The following ASMTL variants were observed in gnomAD, a reference collection of about 807,000 sequenced individuals.
The protein encoded by ASMTL is probable bifunctional dTTP/UTP pyrophosphatase/methyltransferase protein.
In ASMTL, 57 loss-of-function variants were observed where a neutral mutation model predicts 60.3. That is an observed-to-expected ratio of 0.95 (90% CI 0.76 to 1.18). The LOEUF (loss-of-function observed/expected upper bound fraction) is 1.18, where lower values mean the gene tolerates loss of function less well. ASMTL is among the 50% of genes most tolerant of loss of function. The pLI, the probability that ASMTL is intolerant of heterozygous loss-of-function variation, is 0.00. For synonymous variants in ASMTL, 419 were observed against 373.0 expected (o/e 1.12, Z -1.42); for missense variants, 981 against 852.6 (o/e 1.15, Z -1.88).
intron 11 of ASMTL, chrX:1,413,244 C>A (rs4933099): frequency 1.1e-5 from 2 of 186,996 alleles, no homozygotes; most frequent in East Asian, 2.6e-4. Context: ...CGCCTGTCAT[C>A]CCAGCTACGC....
At chrX:1,407,447 G>C (rs1323813588) in intron 12 of ASMTL, among the ~76,000 whole-genome samples, 2 of 149,974 alleles carry the variant, frequency 1.3e-5, no homozygotes, top group African/African-American at 5.0e-5. Flanking sequence ...ATAGATGGTA[G>C]ATGATAGGTA....
chrX:1,431,378 C>T (rs1339995211), intron 6 of ASMTL, among the ~76,000 whole-genome samples: 1 of 131,284 alleles, frequency 7.6e-6, no homozygotes, highest in African/African-American at 2.8e-5. Context: ...TAATTATAAT[C>T]GATTATAACT....
In ASMTL at chrX:1,403,497, A is replaced by G; in HGVS notation, c.1646-8T>C. The G allele has an allele frequency of 6.2e-7, 1 of 1,612,154 alleles. No homozygotes were observed. Among genetic ancestry groups the G allele is most frequent in the Non-Finnish European group, 8.5e-7 (1 of 1,179,576 alleles). ...CCAGCAGCAGGCCGGCCCCTGAGGG[A>G]GACAGCAGAGAGCTGGAGTCCTGGC... On this transcript the variant is annotated splice_region_variant and splice_polypyrimidine_tract_variant and intron_variant, in intron 12 of 12. Coordinates refer to ENST00000381317, the MANE Select transcript of ASMTL (RefSeq NM_004192.4).
At chrX:1,432,732 G>C (rs2090833312) in intron 5 of ASMTL, among the ~76,000 whole-genome samples, 1 of 152,132 alleles carries the variant, frequency 6.6e-6, no homozygotes, top group Non-Finnish European at 1.5e-5. Flanking sequence ...GGGAGGCTGA[G>C]GCAGGAGAAT....
chrX:1,411,017 C>G (rs146092489), intron 12 of ASMTL, among the ~76,000 whole-genome samples: 6,723 of 151,092 alleles, frequency 0.044, 540 homozygotes, highest in African/African-American at 0.16. Context: ...GAAACCCTGT[C>G]TCTATTAAAA....
At chrX:1,418,929 C>G in intron 10 of ASMTL, 53 bp downstream of exon 10, 1 of 1,609,344 alleles carries the variant, frequency 6.2e-7, no homozygotes, top group Non-Finnish European at 8.5e-7. Context: ...AGGGAAGATA[C>G]CTGTGGCTTA....
At chrX:1,406,176 A>G (rs2089829419) in intron 12 of ASMTL, among the ~76,000 whole-genome samples, 1 of 142,670 alleles carries the variant, frequency 7.0e-6, no homozygotes, top group Non-Finnish European at 1.5e-5. Context: ...TAGATGGTAG[A>G]TGATGGGTAG....
chrX:1,421,578 G>A, intron 9 of ASMTL, 80 bp downstream of exon 9: 1 of 1,460,458 alleles, frequency 6.8e-7, no homozygotes, highest in Non-Finnish European at 9.5e-7. Flanking sequence ...ACTGGTCAAG[G>A]TGCCTACTGA....
chrX:1,445,172 C>A (rs1422914674), intron 1 of ASMTL, among the ~76,000 whole-genome samples: 1 of 152,146 alleles, frequency 6.6e-6, no homozygotes, highest in African/African-American at 2.4e-5. Context: ...GGAGGACCAG[C>A]GGCACTAAGC....
rs2011141799 is a variant in ASMTL at position 1,431,010 on chromosome X, A to G, written c.509+1259T>C. Among the ~76,000 whole-genome samples, 3 of 134,686 alleles carry G rather than the reference A, an allele frequency of 2.2e-5. No homozygotes were observed. In the East Asian group the frequency reaches 6.1e-4, roughly 27 times the overall value. The allele number at this position is 134,686 out of a possible 152,430, so 88.4% of individuals were successfully genotyped here. On this transcript the variant is annotated intron_variant, in intron 6 of 12. Coordinates refer to ENST00000381317, the MANE Select transcript of ASMTL (RefSeq NM_004192.4). ...ATCACACTTTATATTATTATGTAAT[A>G]TGTATTAATATGCAGTTACATATAT...
intron 9 of ASMTL, among the ~76,000 whole-genome samples, chrX:1,420,863 G>A (rs1309448691): frequency 6.6e-6 from 1 of 151,848 alleles, no homozygotes; most frequent in South Asian, 2.1e-4. Flanking sequence ...GCACCATCAC[G>A]GCTTACACTG....
At chrX:1,450,922 C>T (rs1408319597) in intron 1 of ASMTL, among the ~76,000 whole-genome samples, 1 of 146,152 alleles carries the variant, frequency 6.8e-6, no homozygotes. Flanking sequence ...TCTGCCCTCC[C>T]CATTCCTAGG....
At chrX:1,422,006 TTAAAA>T (rs2090497001) in intron 8 of ASMTL, 164 bp from the exon 9 acceptor site, 1 of 186,618 alleles carries the variant, frequency 5.4e-6, no homozygotes, top group Non-Finnish European at 1.0e-5. Context: ...CATTGAGATG[TTAAAA>T]TAAACATCAT....
chrX:1,449,881 CTA>C (rs1340385414), intron 1 of ASMTL, among the ~76,000 whole-genome samples: 1 of 139,408 alleles, frequency 7.2e-6, no homozygotes, highest in Non-Finnish European at 1.5e-5. Flanking sequence ...TCACCAATAA[CTA>C]TGCCCCATCA....
Position 1,442,587 on chromosome X carries a change from T to C in ASMTL, c.94-270A>G, listed in dbSNP as rs1410322123. 4.6e-5 allele frequency among the ~76,000 whole-genome samples: 7 copies of C among 151,852 alleles called. No individual in the cohort carries two copies. The South Asian group carries it at 6.3e-4, about 14-fold the overall frequency. On this transcript the variant is annotated intron_variant, in intron 1 of 12. Coordinates refer to ENST00000381317, the MANE Select transcript of ASMTL (RefSeq NM_004192.4). ...CCTTCTTGGCTCTCGAGGGAAGAGA[T>C]TGGCAAAGGAAGAAGCCAGGAACAA... is the stretch of plus-strand genomic sequence containing the variant.
chrX:1,419,102 G>T lies in ASMTL; in HGVS notation c.1258C>A (p.Gln420Lys). ...AEDLFQDAYY[Q>K]SPETRLRFMR... ...AACCTCAGCCGCGTCTCCGGGCTCTGGTAGTACGCATCCTGGAACACAGCA... is the reference window on the plus strand; with the variant it reads ...AACCTCAGCCGCGTCTCCGGGCTCTTGTAGTACGCATCCTGGAACACAGCA... The change falls in exon 10 of 13, where the codon CAG (glutamine) becomes AAG (lysine). Residue 420 changes from glutamine (Q) to lysine (K), a missense_variant. Gln to Lys is a moderately conservative substitution (Grantham distance 53, BLOSUM62 1). Coordinates refer to ENST00000381317, the MANE Select transcript of ASMTL (RefSeq NM_004192.4). 3 of 1,611,256 alleles carry T rather than the reference G, an allele frequency of 1.9e-6. No individual in the cohort carries two copies. The highest frequency in any genetic ancestry group is 2.5e-6 in the Non-Finnish European group (3 of 1,179,514).
chrX:1,431,173 T>TCA (rs2090769897), intron 6 of ASMTL, among the ~76,000 whole-genome samples: 1 of 123,490 alleles, frequency 8.1e-6, no homozygotes, highest in African/African-American at 3.3e-5. Context: ...ATTTATATAA[T>TCA]TGTTTATAAT....
At chrX:1,429,617 G>A (rs1188691251) in intron 6 of ASMTL, among the ~76,000 whole-genome samples, 3 of 152,042 alleles carry the variant, frequency 2.0e-5, no homozygotes. Flanking sequence ...GGCCAACATG[G>A]CAAAACCCCT....
upstream of ASMTL, chrX:1,453,690 G>T (rs1287785725): frequency 6.6e-6 from 1 of 151,294 alleles, no homozygotes; most frequent in Admixed American, 6.7e-5. Flanking sequence ...GAGATAGGGG[G>T]TTCCCCGCGG....
Sources: gnomAD v4.1 joint callset for allele counts (sites outside exome capture counted in the v4.1 genomes callset) on GRCh38, gnomAD v4.1.1 for gene constraint, MANE v1.5 for transcripts, NCBI Gene and HGNC (gene_info 2026-07-23, HGNC 2026-07-21) for gene names.